The following FRMPD3 variants were observed in gnomAD, a reference collection of about 807,000 sequenced individuals.
The protein encoded by FRMPD3 is FERM and PDZ domain-containing protein 3.
FRMPD3 carries 42 observed loss-of-function variants against 97.9 expected under a neutral mutation model. That is an observed-to-expected ratio of 0.43 (90% CI 0.34 to 0.55). The LOEUF is 0.55. Among genes scored for constraint, FRMPD3 ranks in the 20% least tolerant of loss-of-function variants. The pLI, the probability that FRMPD3 is intolerant of heterozygous loss-of-function variation, is 0.03. For missense variants in FRMPD3, 1,303 were observed against 1,457.7 expected (o/e 0.89, Z 1.73); for synonymous variants, 577 against 581.1 (o/e 0.99, Z 0.10).
chrX:107,601,306 T>C lies in FRMPD3; in HGVS notation c.3267T>C (p.Gly1089=). ...GEVAGKGGPV[G]GKPTLQKQGT... is the part of the protein sequence containing the mutation. ...TGGCAGGCAAAGGCGGGCCAGTGGGTGGTAAGCCCACCCTGCAGAAGCAGG... is the reference window on the plus strand; with the variant it reads ...TGGCAGGCAAAGGCGGGCCAGTGGGCGGTAAGCCCACCCTGCAGAAGCAGG... The change falls in exon 15 of 15, where the codon GGT becomes GGC. Residue 1089 remains glycine (G), a synonymous_variant. Transcript: ENST00000683843. The C allele has an allele frequency of 8.3e-7, 1 of 1,206,827 alleles. No individual in the cohort carries two copies.
chrX:107,507,019 T>A (rs1227188011), intron 1 of FRMPD3, among the ~76,000 whole-genome samples: 1 of 110,494 alleles, frequency 9.1e-6, no homozygotes, highest in Non-Finnish European at 1.9e-5. Flanking sequence ...CGGTAAGTAC[T>A]GCGCTCTGAG....
chrX:107,460,869 T>C (rs896435804), intron 1 of FRMPD3, among the ~76,000 whole-genome samples: 1 of 110,966 alleles, frequency 9.0e-6, no homozygotes, highest in African/African-American at 3.3e-5. Context: ...AATGCAGATA[T>C]GATTAATAAA....
In FRMPD3 at chrX:107,520,828, G is replaced by A. The variant is rs143444000; in HGVS notation, c.-7-5754G>A. Among the ~76,000 whole-genome samples, 755 of 112,187 alleles carry A rather than the reference G, an allele frequency of 6.7e-3. 6 individuals are homozygous for A. Among genetic ancestry groups the A allele is most frequent in the African/African-American group, 0.023 (722 of 30,879 alleles). On this transcript the variant is annotated intron_variant, in intron 1 of 14. Coordinates refer to ENST00000683843, the MANE Select transcript of FRMPD3 (RefSeq NM_001388459.1). ...ACTTAATCTCTCTTCCCAAATCTCA[G>A]TTTCCTTATCTGTAAAATGGACATA... is the stretch of plus-strand genomic sequence containing the variant.
At chrX:107,473,368 A>G (rs1921114457) in intron 1 of FRMPD3, among the ~76,000 whole-genome samples, 1 of 112,184 alleles carries the variant, frequency 8.9e-6, no homozygotes, top group Non-Finnish European at 1.9e-5. Flanking sequence ...GGCGGCCATA[A>G]TGTCCTGGAT....
At chrX:107,474,745 A>G (rs1271423019) in intron 1 of FRMPD3, among the ~76,000 whole-genome samples, 1 of 111,904 alleles carries the variant, frequency 8.9e-6, no homozygotes, top group African/African-American at 3.2e-5. Context: ...CCTTGCCACT[A>G]CTGCCACTAA....
chrX:107,514,942 A>C (rs916236160), intron 1 of FRMPD3, among the ~76,000 whole-genome samples: 1 of 111,730 alleles, frequency 9.0e-6, no homozygotes, highest in Non-Finnish European at 1.9e-5. Context: ...TTCTGGCTTA[A>C]GTAATTAAAG....
At chrX:107,525,096 A>G (rs750599221) in intron 1 of FRMPD3, among the ~76,000 whole-genome samples, 10 of 110,489 alleles carry the variant, frequency 9.1e-5, no homozygotes, top group Non-Finnish European at 1.5e-4. Context: ...TTAATTAGCT[A>G]CTGGCCCTCT....
intron 1 of FRMPD3, among the ~76,000 whole-genome samples, chrX:107,465,083 A>T (rs1931534659): frequency 8.9e-6 from 1 of 111,748 alleles, no homozygotes; most frequent in Non-Finnish European, 1.9e-5. Flanking sequence ...AGTTTGGGGG[A>T]TTGGTGGTGT....
At chrX:107,595,042 C>T (rs1308503756) in intron 13 of FRMPD3, among the ~76,000 whole-genome samples, 1 of 111,071 alleles carries the variant, frequency 9.0e-6, no homozygotes, top group African/African-American at 3.3e-5. Flanking sequence ...TTTGGCTGGG[C>T]ACGGTTGCTC....
intron 12 of FRMPD3, among the ~76,000 whole-genome samples, chrX:107,575,869 G>A (rs1027978631): frequency 9.0e-6 from 1 of 111,698 alleles, no homozygotes; most frequent in Non-Finnish European, 1.9e-5. Context: ...GTGTTACAGG[G>A]GCATGTGAAG....
intron 1 of FRMPD3, among the ~76,000 whole-genome samples, chrX:107,514,327 G>A (rs777081974): frequency 9.0e-6 from 1 of 110,833 alleles, no homozygotes; most frequent in Non-Finnish European, 1.9e-5. Flanking sequence ...GCGGGGGAGT[G>A]ACAGGATCTG....
In FRMPD3 at chrX:107,603,551, C is replaced by G; in HGVS notation, c.*178C>G. On this transcript the variant is annotated 3_prime_UTR_variant, in exon 15 of 15. Transcript: ENST00000683843. ...GAGGCTCTCTCTTAAGGGCTGCAGG[C>G]TTAGCTGCCGCCCTGGGTGTCCTCA... 1.0e-6 allele frequency: 1 copy of G among 955,398 alleles called. No homozygotes were observed. Among genetic ancestry groups the G allele is most frequent in the Non-Finnish European group, 1.4e-6 (1 of 729,564 alleles). The allele number at this position is 955,398 out of a possible 1,213,427, so 78.7% of individuals were successfully genotyped here.
intron 1 of FRMPD3, among the ~76,000 whole-genome samples, chrX:107,474,945 G>C (rs748753998): frequency 1.8e-5 from 2 of 111,892 alleles, no homozygotes; most frequent in Admixed American, 9.5e-5. Context: ...ACTAAATGAA[G>C]GTTCAGTATG....
At chrX:107,459,388 A>G (rs1962628243) in intron 1 of FRMPD3, among the ~76,000 whole-genome samples, 1 of 112,397 alleles carries the variant, frequency 8.9e-6, no homozygotes, top group African/African-American at 3.2e-5. Context: ...GTATGGCAAG[A>G]GCTACCACAG....
At chrX:107,450,562 C>CCACACACACACACACACACACA (rs561898459) in intron 1 of FRMPD3, among the ~76,000 whole-genome samples, 1 of 84,302 alleles carries the variant, frequency 1.2e-5, no homozygotes, top group African/African-American at 5.3e-5. Flanking sequence ...CATGCAAAGA[C>CCACACACACACACACACACACA]CACACACACA....
intron 1 of FRMPD3, among the ~76,000 whole-genome samples, chrX:107,495,835 G>A (rs1921762946): frequency 8.9e-6 from 1 of 112,445 alleles, no homozygotes; most frequent in Admixed American, 9.4e-5. Context: ...TTTTAAAATA[G>A]AAATGTATTT....
At chrX:107,572,905 C>CTAATAATAATAATAA (rs1178379970) in intron 12 of FRMPD3, among the ~76,000 whole-genome samples, 4 of 101,632 alleles carry the variant, frequency 3.9e-5, no homozygotes, top group African/African-American at 1.6e-4. Context: ...ACTACTACTA[C>CTAATAATAATAATAA]TACTAATAAT....
chrX:107,496,671 G>C (rs995659255), intron 1 of FRMPD3, among the ~76,000 whole-genome samples: 5 of 111,865 alleles, frequency 4.5e-5, no homozygotes, highest in African/African-American at 1.6e-4. Context: ...GTGGTAACCT[G>C]TTAGTGGGGG....
intron 7 of FRMPD3, among the ~76,000 whole-genome samples, 163 bp downstream of exon 7, chrX:107,553,089 A>G (rs1295739684): frequency 2.7e-5 from 3 of 110,681 alleles, no homozygotes; most frequent in Non-Finnish European, 5.7e-5. Context: ...GGCTTTTGGC[A>G]GTGGCCTTTG....
Sources: gnomAD v4.1 joint callset for allele counts (sites outside exome capture counted in the v4.1 genomes callset) on GRCh38, gnomAD v4.1.1 for gene constraint, MANE v1.5 for transcripts, NCBI Gene and HGNC (gene_info 2026-07-23, HGNC 2026-07-21) for gene names.